Variants in CACNA2D3 observed in about 807,000 individuals in gnomAD.
CACNA2D3 encodes the protein calcium voltage-gated channel auxiliary subunit alpha2delta 3.
A neutral mutation model predicts 160.6 loss-of-function variants in CACNA2D3; 60 were observed. That is an observed-to-expected ratio of 0.37 (90% CI 0.30 to 0.46). CACNA2D3 has a LOEUF of 0.46. Among genes scored for constraint, CACNA2D3 ranks in the 20% least tolerant of loss-of-function variants. The probability of loss-of-function intolerance (pLI) is 1.00; values close to 1 mark genes in which losing one functional copy is unlikely to be tolerated. For synonymous variants in CACNA2D3, 558 were observed against 492.9 expected, an observed-to-expected ratio of 1.13 and a Z score of -1.75; for missense variants, 1,205 against 1,365.0, an observed-to-expected ratio of 0.88 and a Z score of 1.85.
In CACNA2D3 at chr3:54,464,067, C is replaced by T. The variant is rs532842044; in HGVS notation, c.382-39425C>T. Among the ~76,000 whole-genome samples, 123 of 152,318 alleles carry T rather than the reference C, an allele frequency of 8.1e-4. 1 individual carries two copies. The highest frequency in any genetic ancestry group is 3.4e-3 in the Middle Eastern group (1 of 294). Reference sequence around the variant, plus strand: ...ACCCTGTTTGCCTTGGTACCAGCAGCGGTGGCTGCAGAACAGCAGTTTTTC... The same window carrying T: ...ACCCTGTTTGCCTTGGTACCAGCAGTGGTGGCTGCAGAACAGCAGTTTTTC... On this transcript the variant is annotated intron_variant, in intron 4 of 37. Transcript: ENST00000474759.
At chr3:54,457,487 C>G (rs1700419882) in intron 4 of CACNA2D3, among the ~76,000 whole-genome samples, 1 of 151,968 alleles carries the variant, frequency 6.6e-6, no homozygotes, top group Non-Finnish European at 1.5e-5. Flanking sequence ...TATGGTCAGT[C>G]CTGGAGAATG....
intron 2 of CACNA2D3, among the ~76,000 whole-genome samples, chr3:54,203,229 A>G (rs1198869297): frequency 6.6e-6 from 1 of 152,228 alleles, no homozygotes; most frequent in Admixed American, 6.5e-5. Flanking sequence ...GAACAAAATG[A>G]AACGGGAAGG....
intron 27 of CACNA2D3, among the ~76,000 whole-genome samples, chr3:54,922,118 C>T (rs980658968): frequency 5.3e-5 from 8 of 152,062 alleles, no homozygotes; most frequent in Admixed American, 3.3e-4. Context: ...TCTGTTGTGA[C>T]GGCGTGTTGA....
intron 4 of CACNA2D3, among the ~76,000 whole-genome samples, chr3:54,492,058 G>C (rs562377934): frequency 1.4e-4 from 22 of 152,242 alleles, no homozygotes; most frequent in African/African-American, 4.8e-4. Flanking sequence ...GCTCTACATG[G>C]TTACAGGAGC....
intron 2 of CACNA2D3, among the ~76,000 whole-genome samples, chr3:54,312,338 C>G (rs1703760553): frequency 6.6e-6 from 1 of 152,150 alleles, no homozygotes; most frequent in Non-Finnish European, 1.5e-5. Flanking sequence ...CATGCACCCA[C>G]TCTTTGGCTA....
chr3:54,493,340 A>G (rs965891647), intron 4 of CACNA2D3, among the ~76,000 whole-genome samples: 5 of 152,054 alleles, frequency 3.3e-5, no homozygotes, highest in Admixed American at 1.3e-4. Flanking sequence ...ACCTCCCAAA[A>G]TGTTAGGATT....
At chr3:54,435,371 C>G (rs987602042) in intron 4 of CACNA2D3, among the ~76,000 whole-genome samples, 2 of 152,148 alleles carry the variant, frequency 1.3e-5, no homozygotes, top group Admixed American at 1.3e-4. Flanking sequence ...TACCTGAACT[C>G]AGCTCTAATG....
chr3:54,152,281 G>A (rs181602980), intron 2 of CACNA2D3, among the ~76,000 whole-genome samples: 1 of 152,108 alleles, frequency 6.6e-6, no homozygotes, highest in African/African-American at 2.4e-5. Flanking sequence ...GGTTGAGTGC[G>A]CTACACGCCA....
chr3:54,384,375 T>C (rs1042484400), intron 3 of CACNA2D3, among the ~76,000 whole-genome samples: 1 of 152,236 alleles, frequency 6.6e-6, no homozygotes, highest in African/African-American at 2.4e-5. Flanking sequence ...GATTTCATGA[T>C]ACATGCACAG....
At chr3:54,181,313 G>C (rs1274766138) in intron 2 of CACNA2D3, among the ~76,000 whole-genome samples, 2 of 152,062 alleles carry the variant, frequency 1.3e-5, no homozygotes, top group Non-Finnish European at 2.9e-5. Context: ...CAACCATGAG[G>C]GGTTGTAAAA....
Position 54,995,663 on chromosome 3 carries a change from G to T in CACNA2D3, c.2690+7910G>T, listed in dbSNP as rs143825337. ...AATAAGATTTTTAATGTATTAAGCAGCCTCCCATACAATACTTGTGCTTAA... is the reference window on the plus strand; with the variant it reads ...AATAAGATTTTTAATGTATTAAGCATCCTCCCATACAATACTTGTGCTTAA... On this transcript the variant is annotated intron_variant, in intron 31 of 37. Coordinates refer to ENST00000474759, the MANE Select transcript of CACNA2D3 (RefSeq NM_018398.3). Among the ~76,000 whole-genome samples, 202 of 152,292 alleles carry T rather than the reference G, an allele frequency of 1.3e-3. 1 individual carries two copies. The highest frequency in any genetic ancestry group is 4.7e-3 in the African/African-American group (194 of 41,566).
At chr3:54,342,505 A>G (rs1401826292) in intron 3 of CACNA2D3, among the ~76,000 whole-genome samples, 1 of 152,042 alleles carries the variant, frequency 6.6e-6, no homozygotes, top group East Asian at 1.9e-4. Flanking sequence ...GGTGGGGTGG[A>G]TAGGAGTGGG....
intron 11 of CACNA2D3, among the ~76,000 whole-genome samples, chr3:54,680,562 A>G (rs1700327137): frequency 6.6e-6 from 1 of 152,162 alleles, no homozygotes; most frequent in Non-Finnish European, 1.5e-5. Flanking sequence ...TCCAGATGCT[A>G]CTATAATTAA....
intron 5 of CACNA2D3, among the ~76,000 whole-genome samples, chr3:54,508,888 T>G (rs1266834877): frequency 6.6e-6 from 1 of 152,188 alleles, no homozygotes; most frequent in Non-Finnish European, 1.5e-5. Flanking sequence ...GAGAAATCAG[T>G]CTGTCTGTTA....
chr3:54,223,414 C>G (rs1701609999), intron 2 of CACNA2D3, among the ~76,000 whole-genome samples: 1 of 151,990 alleles, frequency 6.6e-6, no homozygotes, highest in South Asian at 2.1e-4. Context: ...GCATAAAGGA[C>G]AAAAGATGGT....
intron 16 of CACNA2D3, among the ~76,000 whole-genome samples, chr3:54,843,313 G>A (rs929697165): frequency 2.6e-5 from 4 of 152,318 alleles, no homozygotes; most frequent in Admixed American, 2.6e-4. Context: ...GGTATGGAAA[G>A]GACAAAGCAA....
chr3:54,918,774 G>C, intron 27 of CACNA2D3: 1 of 1,614,136 alleles, frequency 6.2e-7, no homozygotes, highest in Non-Finnish European at 8.5e-7. Flanking sequence ...GAGCCTGCGA[G>C]GACACTGGAT....
chr3:54,797,861 C>T (rs1482527055), intron 13 of CACNA2D3, among the ~76,000 whole-genome samples: 1 of 152,144 alleles, frequency 6.6e-6, no homozygotes, highest in Non-Finnish European at 1.5e-5. Context: ...TAAACCATTG[C>T]TATGCAAATG....
At chr3:55,003,998 G>A (rs1054404023) in intron 31 of CACNA2D3, among the ~76,000 whole-genome samples, 5 of 152,262 alleles carry the variant, frequency 3.3e-5, no homozygotes, top group South Asian at 2.1e-4. Flanking sequence ...TTCTGAGTCC[G>A]AACACATGCT....
Sources: allele counts gnomAD v4.1 joint callset (sites outside exome capture counted in the v4.1 genomes callset), GRCh38; gene constraint gnomAD v4.1.1; transcripts MANE v1.5; gene names NCBI Gene and HGNC (gene_info 2026-07-23, HGNC 2026-07-21).